SLC14A2: variants seen among roughly 807,000 people sequenced by gnomAD.
SLC14A2 encodes solute carrier family 14 member 2, also known as urea transporter 2.
SLC14A2 carries 91 observed loss-of-function variants against 104.6 expected under a neutral mutation model. The observed-to-expected ratio is 0.87, with a 90% CI of 0.73 to 1.04. SLC14A2 has a LOEUF of 1.04. Ranked by LOEUF, SLC14A2 falls within the 50% of genes least tolerant of loss-of-function variation. The pLI is 0.00. For missense variants in SLC14A2, 1,189 were observed against 1,156.0 expected, an observed-to-expected ratio of 1.03 and a Z score of -0.41; for synonymous variants, 476 against 466.4, an observed-to-expected ratio of 1.02 and a Z score of -0.27.
At chr18:45,679,560 G>A (rs1214680783) in intron 19 of SLC14A2, among the ~76,000 whole-genome samples, 1 of 152,144 alleles carries the variant, frequency 6.6e-6, no homozygotes, top group Non-Finnish European at 1.5e-5. Context: ...AGCCCATGCT[G>A]GCCCCCAACC....
chr18:45,299,818 C>A (rs2084951085), intron 1 of SLC14A2, among the ~76,000 whole-genome samples: 1 of 152,208 alleles, frequency 6.6e-6, no homozygotes, highest in Admixed American at 6.5e-5. Flanking sequence ...AAGTCCTCTC[C>A]ACTCCCCATT....
chr18:45,228,471 C>A (rs999036640), intron 1 of SLC14A2, among the ~76,000 whole-genome samples: 3 of 152,118 alleles, frequency 2.0e-5, no homozygotes, highest in African/African-American at 7.2e-5. Context: ...TTCTTCCAGA[C>A]TGGACTCTGT....
chr18:45,497,865 T>TC (rs1369700564), intron 2 of SLC14A2, among the ~76,000 whole-genome samples: 2 of 152,222 alleles, frequency 1.3e-5, no homozygotes, highest in Non-Finnish European at 2.9e-5. Flanking sequence ...AAGGAAGCTG[T>TC]CCGTGCAATC....
chr18:45,579,940 A>C (rs988674438), intron 2 of SLC14A2, among the ~76,000 whole-genome samples: 1 of 152,208 alleles, frequency 6.6e-6, no homozygotes, highest in African/African-American at 2.4e-5. Flanking sequence ...GGAGAACACT[A>C]TGTGCAAAAG....
chr18:45,394,735 G>A (rs547771107), intron 1 of SLC14A2, among the ~76,000 whole-genome samples: 1 of 152,118 alleles, frequency 6.6e-6, no homozygotes, highest in South Asian at 2.1e-4. Context: ...AGTTGTAGGA[G>A]TTTCTTATGT....
At chr18:45,413,109 TC>T (rs1344247539) in intron 1 of SLC14A2, among the ~76,000 whole-genome samples, 2 of 152,144 alleles carry the variant, frequency 1.3e-5, no homozygotes, top group Non-Finnish European at 2.9e-5. Context: ...CTAGGGTCCA[TC>T]CGAAAGAAGC....
intron 1 of SLC14A2, among the ~76,000 whole-genome samples, chr18:45,328,502 G>C (rs1254675407): frequency 6.6e-6 from 1 of 152,202 alleles, no homozygotes; most frequent in Non-Finnish European, 1.5e-5. Flanking sequence ...AGACAACTCA[G>C]TCTTGAGATT....
intron 10 of SLC14A2, among the ~76,000 whole-genome samples, chr18:45,644,805 T>G (rs1256602518): frequency 6.6e-6 from 1 of 152,234 alleles, no homozygotes; most frequent in African/African-American, 2.4e-5. Flanking sequence ...GACTTTATTA[T>G]GGAGGATAAG....
chr18:45,655,561 TAG>T lies in SLC14A2; in HGVS notation c.1352-8222_1352-8221del, dbSNP rs538341246. Among the ~76,000 whole-genome samples the T allele has an allele frequency of 7.9e-5, 12 of 152,348 alleles. No individual in the cohort carries two copies. The South Asian group carries it at 2.5e-3, about 32-fold the overall frequency. ...TTGACAAGGATTCTGAGGCTGTATC[TAG>T]ACTTACAGGGAAAGAGTGCTGGGAT... On this transcript the variant is annotated intron_variant, in intron 10 of 19. Coordinates refer to ENST00000255226, the MANE Select transcript of SLC14A2 (RefSeq NM_007163.4).
upstream of SLC14A2, chr18:45,614,918 C>G (rs1358384741): frequency 6.6e-6 from 1 of 151,984 alleles, no homozygotes; most frequent in Non-Finnish European, 1.5e-5. Flanking sequence ...CTGTCTCAGC[C>G]TCCCAGTAGC....
At chr18:45,359,617 C>G (rs2085590537) in intron 1 of SLC14A2, among the ~76,000 whole-genome samples, 1 of 152,214 alleles carries the variant, frequency 6.6e-6, no homozygotes, top group African/African-American at 2.4e-5. Context: ...CTGAAATTAT[C>G]TCACAGGCAT....
At chr18:45,350,977 G>A (rs991543360) in intron 1 of SLC14A2, among the ~76,000 whole-genome samples, 2 of 152,068 alleles carry the variant, frequency 1.3e-5, no homozygotes, top group Non-Finnish European at 2.9e-5. Context: ...TGGGACTGGG[G>A]CAGAGGATAC....
chr18:45,211,228 T>C (rs1406466119), upstream of SLC14A2, among the ~76,000 whole-genome samples: 3 of 152,216 alleles, frequency 2.0e-5, no homozygotes, highest in Non-Finnish European at 4.4e-5. Context: ...ACAACCAACA[T>C]ATTTTCCCAG....
intron 1 of SLC14A2, among the ~76,000 whole-genome samples, chr18:45,298,008 T>A (rs2084933241): frequency 1.3e-5 from 2 of 152,314 alleles, no homozygotes; most frequent in South Asian, 4.1e-4. Context: ...TATGCCTGTG[T>A]CTCCATTTTA....
intron 2 of SLC14A2, among the ~76,000 whole-genome samples, chr18:45,602,067 C>G (rs1046966237): frequency 9.9e-5 from 15 of 152,122 alleles, no homozygotes; most frequent in African/African-American, 3.6e-4. Flanking sequence ...CAGATTAAGC[C>G]AAAAATATGC....
chr18:45,624,769 G>A lies in SLC14A2; in HGVS notation c.105G>A (p.Pro35=), dbSNP rs115615745. The change falls in exon 2 of 20, where the codon CCG becomes CCA. Residue 35 remains proline, a synonymous_variant. Transcript: ENST00000255226. The part of the protein sequence containing the change: ...FTSPSWPSTS[P]DTHPALPLLE... ...GCCCGAGCTGGCCCTCGACATCCCC[G>A]GATACTCACCCAGCTCTGCCCCTCC... is the stretch of plus-strand genomic sequence containing the variant. 3.2e-4 allele frequency: 512 copies of A among 1,613,098 alleles called. 4 individuals are homozygous for A. In the African/African-American group the frequency reaches 3.9e-3, roughly 12 times the overall value.
chr18:45,564,019 T>C (rs1266222314), intron 2 of SLC14A2, among the ~76,000 whole-genome samples: 2 of 152,230 alleles, frequency 1.3e-5, no homozygotes, highest in Non-Finnish European at 2.9e-5. Flanking sequence ...GATGCCCTCA[T>C]TGTAGTGGCG....
chr18:45,657,128 C>A (rs573472167), intron 10 of SLC14A2, among the ~76,000 whole-genome samples: 1 of 152,044 alleles, frequency 6.6e-6, no homozygotes, highest in Non-Finnish European at 1.5e-5. Flanking sequence ...GAAATAGATT[C>A]GAGAATACCT....
intron 1 of SLC14A2, among the ~76,000 whole-genome samples, chr18:45,348,445 C>T (rs1456003668): frequency 6.6e-6 from 1 of 152,186 alleles, no homozygotes; most frequent in East Asian, 1.9e-4. Context: ...TACTCTGGGA[C>T]TCAACTCCTT....
Sources: allele counts gnomAD v4.1 joint callset (sites outside exome capture counted in the v4.1 genomes callset), GRCh38; gene constraint gnomAD v4.1.1; transcripts MANE v1.5; gene names NCBI Gene and HGNC (gene_info 2026-07-23, HGNC 2026-07-21).